The following PAWR variants were observed in gnomAD, a reference collection of about 807,000 sequenced individuals.
PAWR encodes pro-apoptotic WT1 regulator.
In PAWR, 23 loss-of-function variants were observed where a neutral mutation model predicts 32.0. The observed-to-expected ratio is 0.72, with a 90% CI of 0.52 to 1.02. The LOEUF (loss-of-function observed/expected upper bound fraction) is 1.02, where lower values mean the gene tolerates loss of function less well. Among genes scored for constraint, PAWR ranks in the 50% least tolerant of loss-of-function variants. PAWR has a pLI of 0.00. For missense variants in PAWR, 457 were observed against 437.7 expected, an observed-to-expected ratio of 1.04 and a Z score of -0.39; for synonymous variants, 226 against 187.1, an observed-to-expected ratio of 1.21 and a Z score of -1.70.
intron 2 of PAWR, among the ~76,000 whole-genome samples, chr12:79,664,029 GAAATAGCTTATAATA>G (rs1220278023): frequency 6.6e-6 from 1 of 152,100 alleles, no homozygotes; most frequent in African/African-American, 2.4e-5. Context: ...GCCAATGGGA[GAAATAGCTTATAATA>G]AAATAGTCCA....
chr12:79,596,622 T>G lies in PAWR; in HGVS notation c.720A>C (p.Arg240Ser), dbSNP rs1485894140. The G allele has an allele frequency of 4.4e-6, 7 of 1,600,178 alleles. No homozygotes were observed. The Admixed American group carries it at 8.5e-5, about 19-fold the overall frequency. ...ACCCACTTCTATCTGTTCGAGAATA[T>G]CTACTTGAGACATCTTCTTCAGAGA... ...TSVSEEDVSS[R>S]YSRTDRSGFP... Residue 240 changes from arginine (R) to serine (S), a missense_variant, in exon 5 of 7, where the codon AGA becomes AGC. Coordinates refer to ENST00000328827, the MANE Select transcript of PAWR (RefSeq NM_002583.4).
chr12:79,663,756 G>T (rs1877462302), intron 2 of PAWR, among the ~76,000 whole-genome samples: 1 of 151,054 alleles, frequency 6.6e-6, no homozygotes, highest in African/African-American at 2.4e-5. Flanking sequence ...GTGAGACTCT[G>T]TCTCAAACAA....
chr12:79,633,889 T>C (rs965642362), intron 2 of PAWR, among the ~76,000 whole-genome samples: 1 of 152,184 alleles, frequency 6.6e-6, no homozygotes, highest in Admixed American at 6.5e-5. Context: ...AGATGTATAC[T>C]GAAGTATTTA....
chr12:79,688,022 T>C (rs555883347), intron 2 of PAWR, among the ~76,000 whole-genome samples: 1 of 152,246 alleles, frequency 6.6e-6, no homozygotes, highest in African/African-American at 2.4e-5. Context: ...CTTGGTTTGT[T>C]TGTTTTCAGG....
At chr12:79,685,577 A>G (rs779119017) in intron 2 of PAWR, among the ~76,000 whole-genome samples, 4 of 152,188 alleles carry the variant, frequency 2.6e-5, no homozygotes, top group African/African-American at 7.2e-5. Flanking sequence ...GAAAAACAAT[A>G]TATCACTTAG....
At chr12:79,630,985 C>A (rs1481930925) in intron 2 of PAWR, among the ~76,000 whole-genome samples, 2 of 151,798 alleles carry the variant, frequency 1.3e-5, no homozygotes. Flanking sequence ...GGACAATGAC[C>A]AAAATGGGGT....
chr12:79,682,961 T>C (rs1235588500), intron 2 of PAWR, among the ~76,000 whole-genome samples: 1 of 152,248 alleles, frequency 6.6e-6, no homozygotes, highest in Non-Finnish European at 1.5e-5. Context: ...CAAATACATT[T>C]ATAAACACAA....
chr12:79,690,259 C>T lies in PAWR; in HGVS notation c.-15G>A. On this transcript the variant is annotated 5_prime_UTR_variant, in exon 2 of 7. Transcript: ENST00000328827. The stretch of plus-strand genomic sequence containing the variant: ...CCGGTCGCCATATTCCCAAAGGGGC[C>T]GGTCGGGCTCTCACCTCAGGCCGCC... 2 of 1,487,866 alleles carry T rather than the reference C, an allele frequency of 1.3e-6. No individual in the cohort carries two copies. The highest frequency in any genetic ancestry group is 2.2e-5 in the Admixed American group (1 of 45,716). The allele number at this position is 1,487,866 out of a possible 1,614,324, so 92.2% of individuals were successfully genotyped here.
chr12:79,658,954 C>T (rs982859910), intron 2 of PAWR, among the ~76,000 whole-genome samples: 6 of 151,274 alleles, frequency 4.0e-5, no homozygotes, highest in Non-Finnish European at 7.4e-5. Flanking sequence ...AGCCACTGCT[C>T]CTGGCCTCTT....
chr12:79,680,453 T>G (rs1255379486), intron 2 of PAWR, among the ~76,000 whole-genome samples: 1 of 152,216 alleles, frequency 6.6e-6, no homozygotes, highest in Non-Finnish European at 1.5e-5. Flanking sequence ...TGTTGTAGTA[T>G]TTATGTACTT....
chr12:79,632,345 ATATATATATATATATAT>A (rs1875727985), intron 2 of PAWR, among the ~76,000 whole-genome samples: 12 of 58,758 alleles, frequency 2.0e-4, no homozygotes, highest in African/African-American at 1.1e-3. Flanking sequence ...ATATATATAT[ATATATATATATATATAT>A]TTTTTTTTTT....
At position 79,621,032 on chromosome 12, in the gene PAWR, C is replaced by T. The variant is rs759046135; in HGVS notation, c.648+44G>A. The T allele has an allele frequency of 8.2e-6, 12 of 1,467,582 alleles. No homozygotes were observed. The South Asian group carries it at 1.1e-4, about 14-fold the overall frequency. 90.9% of individuals were successfully genotyped at this position (1,467,582 alleles called of 1,614,324 possible). ...CTCAAGAGGCATAATTGAAAAATTGCCATTAAAATAGATAGTGACTTCCTG... is the reference window on the plus strand; with the variant it reads ...CTCAAGAGGCATAATTGAAAAATTGTCATTAAAATAGATAGTGACTTCCTG... On this transcript the variant is annotated intron_variant, in intron 3 of 6. Transcript: ENST00000328827.
At chr12:79,613,956 TA>T (rs1874578207) in intron 3 of PAWR, among the ~76,000 whole-genome samples, 1 of 7,394 alleles carries the variant, frequency 1.4e-4, no homozygotes, top group African/African-American at 6.2e-4. Context: ...TATATATATA[TA>T]TATATATATA....
chr12:79,678,813 C>T (rs936118539), intron 2 of PAWR, among the ~76,000 whole-genome samples: 1 of 150,948 alleles, frequency 6.6e-6, no homozygotes, highest in African/African-American at 2.4e-5. Flanking sequence ...ATAATACCAC[C>T]TCATGTTATG....
intron 2 of PAWR, among the ~76,000 whole-genome samples, chr12:79,687,187 A>C (rs1878721765): frequency 6.6e-6 from 1 of 152,216 alleles, no homozygotes; most frequent in African/African-American, 2.4e-5. Context: ...TTCAGCCATC[A>C]CATGCAGTAA....
chr12:79,646,906 G>A (rs377086438), intron 2 of PAWR, among the ~76,000 whole-genome samples: 10 of 152,106 alleles, frequency 6.6e-5, no homozygotes, highest in Non-Finnish European at 1.3e-4. Flanking sequence ...GGCCGGGCAC[G>A]GTGGCTGACA....
At chr12:79,661,680 T>C (rs1448795412) in intron 2 of PAWR, among the ~76,000 whole-genome samples, 2 of 152,152 alleles carry the variant, frequency 1.3e-5, no homozygotes, top group African/African-American at 4.8e-5. Flanking sequence ...AAAGACATTA[T>C]TACATACATT....
At chr12:79,629,751 A>T (rs1051810674) in intron 2 of PAWR, among the ~76,000 whole-genome samples, 2 of 152,154 alleles carry the variant, frequency 1.3e-5, no homozygotes, top group African/African-American at 2.4e-5. Flanking sequence ...ATAAAACAGG[A>T]TTTGTGCAAA....
intron 2 of PAWR, among the ~76,000 whole-genome samples, chr12:79,667,651 T>C (rs1374310766): frequency 6.6e-6 from 1 of 152,228 alleles, no homozygotes; most frequent in Non-Finnish European, 1.5e-5. Context: ...ATTGGACATT[T>C]GATATTAATG....
Sources: allele counts gnomAD v4.1 joint callset (sites outside exome capture counted in the v4.1 genomes callset), GRCh38; gene constraint gnomAD v4.1.1; transcripts MANE v1.5; gene names NCBI Gene and HGNC (gene_info 2026-07-23, HGNC 2026-07-21).